Variants in SLAIN1 observed in about 807,000 individuals in gnomAD.
SLAIN1 encodes SLAIN family member 1.
A neutral mutation model predicts 55.4 loss-of-function variants in SLAIN1; 17 were observed. The ratio of observed to expected loss-of-function variants is 0.31; its 90% CI spans 0.21 to 0.46. SLAIN1 has a LOEUF of 0.46. Among genes scored for constraint, SLAIN1 ranks in the 20% least tolerant of loss-of-function variants. The probability of loss-of-function intolerance (pLI) is 1.00; values close to 1 mark genes in which losing one functional copy is unlikely to be tolerated. For synonymous variants in SLAIN1, 348 were observed against 337.4 expected, an observed-to-expected ratio of 1.03 and a Z score of -0.35; for missense variants, 682 against 785.1, an observed-to-expected ratio of 0.87 and a Z score of 1.57.
chr13:77,739,744 G>C (rs1298690800), intron 2 of SLAIN1, among the ~76,000 whole-genome samples: 3 of 152,010 alleles, frequency 2.0e-5, no homozygotes, highest in African/African-American at 7.2e-5. Flanking sequence ...AACTTAGGTT[G>C]TTCCTTAAAC....
intron 1 of SLAIN1, among the ~76,000 whole-genome samples, chr13:77,704,369 G>A (rs1272607610): frequency 1.2e-5 from 1 of 80,156 alleles, no homozygotes; most frequent in African/African-American, 5.2e-5. Context: ...TATATACAGA[G>A]GTTTTATATG....
intron 1 of SLAIN1, among the ~76,000 whole-genome samples, chr13:77,713,282 C>A (rs1303040201): frequency 3.9e-5 from 6 of 152,100 alleles, no homozygotes; most frequent in Non-Finnish European, 8.8e-5. Flanking sequence ...ATCCACCTGA[C>A]AAAGCGCTAA....
chr13:77,731,486 A>C (rs946208828), intron 2 of SLAIN1, among the ~76,000 whole-genome samples: 1 of 152,140 alleles, frequency 6.6e-6, no homozygotes, highest in Non-Finnish European at 1.5e-5. Flanking sequence ...AACAGTGGGA[A>C]ACGTACAAGG....
intron 4 of SLAIN1, among the ~76,000 whole-genome samples, chr13:77,752,860 G>A (rs1250064150): frequency 6.6e-6 from 1 of 152,166 alleles, no homozygotes; most frequent in Non-Finnish European, 1.5e-5. Context: ...ATTAGATGGT[G>A]CCTATCCAGA....
intron 2 of SLAIN1, among the ~76,000 whole-genome samples, chr13:77,726,477 A>T (rs1371699151): frequency 2.0e-5 from 3 of 151,952 alleles, no homozygotes; most frequent in African/African-American, 7.3e-5. Flanking sequence ...CCTAGGCTGG[A>T]GTGCAGTGAC....
At chr13:77,727,451 A>C (rs931281661) in intron 2 of SLAIN1, among the ~76,000 whole-genome samples, 6 of 151,804 alleles carry the variant, frequency 4.0e-5, no homozygotes, top group African/African-American at 1.2e-4. Flanking sequence ...AAAAAAAACA[A>C]AACAATTTTC....
chr13:77,747,808 G>A (rs1031156998), intron 4 of SLAIN1, among the ~76,000 whole-genome samples: 9 of 152,082 alleles, frequency 5.9e-5, no homozygotes, highest in East Asian at 1.9e-4. Context: ...TGTGTCATTC[G>A]TTTATTCTAT....
At position 77,697,749 on chromosome 13, in the gene SLAIN1, G is replaced by A. The variant is rs2090987761; in HGVS notation, c.-165G>A. On this transcript the variant is annotated 5_prime_UTR_variant, in exon 1 of 7. Coordinates refer to ENST00000418532, the MANE Select transcript of SLAIN1 (RefSeq NM_001242868.2). ...CTCGGTGGTGGCTGCCGCGGCCGGA[G>A]GCGAGGGCCCGGTGCTGATGCGAAC... 7.3e-6 allele frequency: 4 copies of A among 551,230 alleles called. No individual in the cohort carries two copies. Among genetic ancestry groups the A allele is most frequent in the East Asian group, 5.3e-5 (1 of 18,890 alleles). 34.1% of individuals were successfully genotyped at this position (551,230 alleles called of 1,614,324 possible). A position where few individuals can be genotyped will look rare whatever the true frequency, so the allele number is the denominator to read the frequency against.
chr13:77,702,882 A>G (rs2091045099), intron 1 of SLAIN1, among the ~76,000 whole-genome samples: 1 of 152,206 alleles, frequency 6.6e-6, no homozygotes, highest in South Asian at 2.1e-4. Flanking sequence ...TTTTAGTTTT[A>G]TAGATGTGGA....
At chr13:77,753,389 T>A in intron 5 of SLAIN1, 31 bp downstream of exon 5, 1 of 1,034,000 alleles carries the variant, frequency 9.7e-7, no homozygotes, top group Non-Finnish European at 1.3e-6. Flanking sequence ...TAATTATATA[T>A]TGTATAATTG....
At position 77,698,628 on chromosome 13, in the gene SLAIN1, C is replaced by T. The variant is rs1029601646; in HGVS notation, c.626+89C>T. On this transcript the variant is annotated intron_variant, in intron 1 of 6. Transcript: ENST00000418532. The surrounding 1 kb of genome is among the most constrained non-coding windows in gnomAD (Gnocchi z 4.1). ...GGGGGCGGGGGGCGGACGGGGGTCC[C>T]CTCGCGGCAGCCGGGGTGACTCCCC... The T allele has an allele frequency of 3.8e-6, 5 of 1,316,886 alleles. No homozygotes were observed. The highest frequency in any genetic ancestry group is 3.1e-5 in the African/African-American group (2 of 65,188). 81.6% of individuals were successfully genotyped at this position (1,316,886 alleles called of 1,614,324 possible).
In SLAIN1 at chr13:77,698,437, C is replaced by T; in HGVS notation, c.524C>T (p.Ala175Val). Residue 175 changes from alanine to valine, a missense_variant, in exon 1 of 7, where the codon GCA becomes GTA. Transcript: ENST00000418532. This position sits in a 1 kb window ranked among gnomAD's most constrained non-coding sequence, Gnocchi z 4.1. ...EPGGAGTPPG[A>V]AAAPPSPPPT... is the part of the protein sequence containing the mutation. Reference sequence around the variant, plus strand: ...GGGGGCGCGGGGACGCCGCCAGGGGCAGCTGCAGCGCCGCCCTCGCCGCCC... The same window carrying T: ...GGGGGCGCGGGGACGCCGCCAGGGGTAGCTGCAGCGCCGCCCTCGCCGCCC... 7.0e-7 allele frequency: 1 copy of T among 1,424,454 alleles called. No homozygotes were observed. Among genetic ancestry groups the T allele is most frequent in the Non-Finnish European group, 9.1e-7 (1 of 1,093,784 alleles). The allele number at this position is 1,424,454 out of a possible 1,614,324, so 88.2% of individuals were successfully genotyped here.
Position 77,763,268 on chromosome 13 carries a change from G to A in SLAIN1, c.*48G>A. 6.7e-7 allele frequency: 1 copy of A among 1,487,062 alleles called. No homozygotes were observed. Among genetic ancestry groups the A allele is most frequent in the Non-Finnish European group, 9.4e-7 (1 of 1,066,166 alleles). 92.1% of individuals were successfully genotyped at this position (1,487,062 alleles called of 1,614,324 possible). A position where few individuals can be genotyped will look rare whatever the true frequency, so the allele number is the denominator to read the frequency against. The stretch of plus-strand genomic sequence containing the variant: ...AAATGGGAAAGAAGTAAAAATGAGG[G>A]TTGTGTTACCTAGCTGGCTGGGTAG... On this transcript the variant is annotated 3_prime_UTR_variant, in exon 7 of 7. Coordinates refer to ENST00000418532, the MANE Select transcript of SLAIN1 (RefSeq NM_001242868.2).
At chr13:77,738,574 G>A (rs1180001495) in intron 2 of SLAIN1, among the ~76,000 whole-genome samples, 1 of 152,050 alleles carries the variant, frequency 6.6e-6, no homozygotes, top group African/African-American at 2.4e-5. Context: ...TCCTACCATG[G>A]ATGGAGCTAG....
chr13:77,744,245 C>G (rs753547597), intron 2 of SLAIN1, 38 bp from the exon 3 acceptor site: 1 of 1,407,704 alleles, frequency 7.1e-7, no homozygotes, highest in Non-Finnish European at 1.0e-6. Flanking sequence ...GATATCAGTC[C>G]TGCAGATGGA....
intron 6 of SLAIN1, among the ~76,000 whole-genome samples, chr13:77,761,824 G>A (rs1875046955): frequency 6.6e-6 from 1 of 151,928 alleles, no homozygotes; most frequent in African/African-American, 2.4e-5. Context: ...TGGATATCAT[G>A]GAGTATCTTA....
chr13:77,722,212 A>G (rs1056361444), intron 2 of SLAIN1, among the ~76,000 whole-genome samples: 2 of 152,042 alleles, frequency 1.3e-5, no homozygotes, highest in African/African-American at 4.8e-5. Flanking sequence ...CAAAACCAAA[A>G]TTAGTCTTTT....
chr13:77,740,861 C>A (rs9600921), intron 2 of SLAIN1, among the ~76,000 whole-genome samples: 25 of 151,850 alleles, frequency 1.6e-4, no homozygotes, highest in Admixed American at 3.3e-4. Flanking sequence ...CACTCCTGTC[C>A]TCCTCCTCCT....
chr13:77,721,587 A>G (rs1220094348), intron 2 of SLAIN1, among the ~76,000 whole-genome samples: 1 of 152,088 alleles, frequency 6.6e-6, no homozygotes, highest in Non-Finnish European at 1.5e-5. Flanking sequence ...CTCAGGGGTC[A>G]ACAAACTTTT....
Sources: allele counts gnomAD v4.1 joint callset (sites outside exome capture counted in the v4.1 genomes callset), GRCh38; gene constraint gnomAD v4.1.1; non-coding constraint Gnocchi (gnomAD v3.1); transcripts MANE v1.5; gene names NCBI Gene and HGNC (gene_info 2026-07-23, HGNC 2026-07-21).